The following ZCCHC7 variants were observed in gnomAD, a reference collection of about 807,000 sequenced individuals.
The protein encoded by ZCCHC7 is zinc finger CCHC domain-containing protein 7.
ZCCHC7 carries 35 observed loss-of-function variants against 52.0 expected under a neutral mutation model. The observed-to-expected ratio is 0.67, with a 90% confidence interval of 0.51 to 0.89. The LOEUF (loss-of-function observed/expected upper bound fraction) is 0.89. Among genes scored for constraint, ZCCHC7 ranks in the 40% least tolerant of loss-of-function variants. ZCCHC7 has a pLI of 0.00. For missense variants in ZCCHC7, 574 were observed against 649.1 expected (o/e 0.88, Z 1.26); for synonymous variants, 217 against 221.5 (o/e 0.98, Z 0.18).
At chr9:37,247,833 C>A (rs1826144552) in intron 2 of ZCCHC7, among the ~76,000 whole-genome samples, 1 of 152,016 alleles carries the variant, frequency 6.6e-6, no homozygotes. Flanking sequence ...CCCGGGAAGT[C>A]AAGGCTGCAG....
intron 2 of ZCCHC7, among the ~76,000 whole-genome samples, chr9:37,207,342 AT>A (rs564473298): frequency 2.6e-4 from 39 of 151,486 alleles, no homozygotes; most frequent in Non-Finnish European, 4.0e-4. Flanking sequence ...GTCAGTAGTC[AT>A]TTTTTTTCTA....
intron 2 of ZCCHC7, among the ~76,000 whole-genome samples, chr9:37,140,692 C>T (rs1843182434): frequency 6.6e-6 from 1 of 151,942 alleles, no homozygotes; most frequent in African/African-American, 2.4e-5. Context: ...CACAGGTCAT[C>T]TAATTTTCAA....
intron 6 of ZCCHC7, among the ~76,000 whole-genome samples, chr9:37,340,683 A>G (rs900731577): frequency 1.8e-4 from 27 of 152,198 alleles, no homozygotes; most frequent in Non-Finnish European, 2.9e-4. Flanking sequence ...TCACAAATTT[A>G]TATTTCTAAC....
chr9:37,313,185 T>A (rs1231004186), intron 5 of ZCCHC7, among the ~76,000 whole-genome samples: 2 of 152,242 alleles, frequency 1.3e-5, no homozygotes, highest in East Asian at 3.8e-4. Context: ...TAATGTTATT[T>A]ATAGGTAATA....
chr9:37,201,921 C>G (rs955896248), intron 2 of ZCCHC7, among the ~76,000 whole-genome samples: 1 of 152,168 alleles, frequency 6.6e-6, no homozygotes, highest in African/African-American at 2.4e-5. Context: ...TCTCAACTTA[C>G]GCATCCTAAA....
chr9:37,280,126 G>A (rs1827883002), intron 2 of ZCCHC7, among the ~76,000 whole-genome samples: 1 of 151,818 alleles, frequency 6.6e-6, no homozygotes, highest in Non-Finnish European at 1.5e-5. Flanking sequence ...GGGCAACAGT[G>A]CGAGACTCCG....
chr9:37,337,295 C>A (rs1830716316), intron 6 of ZCCHC7, among the ~76,000 whole-genome samples: 1 of 151,740 alleles, frequency 6.6e-6, no homozygotes, highest in African/African-American at 2.4e-5. Flanking sequence ...TTTTTAAATG[C>A]ACTGTGTATT....
At chr9:37,331,469 A>G (rs550592605) in intron 6 of ZCCHC7, among the ~76,000 whole-genome samples, 2 of 151,736 alleles carry the variant, frequency 1.3e-5, no homozygotes, top group African/African-American at 4.8e-5. Context: ...TCTATGCCAT[A>G]CTACAGAGTG....
At chr9:37,298,208 A>G (rs943475577) in intron 2 of ZCCHC7, among the ~76,000 whole-genome samples, 3 of 152,208 alleles carry the variant, frequency 2.0e-5, no homozygotes, top group African/African-American at 4.8e-5. Context: ...AATTGTCTGT[A>G]TGTGTAATAA....
At chr9:37,305,782 C>A in intron 5 of ZCCHC7, 68 bp downstream of exon 5, 1 of 1,548,354 alleles carries the variant, frequency 6.5e-7, no homozygotes. Context: ...AATTAATGTG[C>A]AAGTTTATAA....
At chr9:37,356,775 G>T in intron 8 of ZCCHC7, 60 bp from the exon 9 acceptor site, 3 of 1,458,886 alleles carry the variant, frequency 2.1e-6, no homozygotes, top group Non-Finnish European at 2.8e-6. Context: ...TTACACTTAG[G>T]AAAGCTCAGC....
intron 3 of ZCCHC7, among the ~76,000 whole-genome samples, chr9:37,303,545 T>C (rs143764168): frequency 0.011 from 1,614 of 147,894 alleles, 67 homozygotes; most frequent in Admixed American, 0.073. Context: ...TAGAGAAAGA[T>C]TAAAAAAAAA....
At chr9:37,348,393 T>TCTTTCTTTCTTTCTTTCTTTCTTTC (rs1564271303) in intron 6 of ZCCHC7, among the ~76,000 whole-genome samples, 9 of 147,640 alleles carry the variant, frequency 6.1e-5, no homozygotes, top group African/African-American at 2.0e-4. Context: ...TTTCTTTCTT[T>TCTTTCTTTCTTTCTTTCTTTCTTTC]TTTGACATGG....
At chr9:37,229,356 T>C (rs1010189571) in intron 2 of ZCCHC7, among the ~76,000 whole-genome samples, 3 of 152,168 alleles carry the variant, frequency 2.0e-5, no homozygotes, top group African/African-American at 4.8e-5. Flanking sequence ...CAGGGATACA[T>C]TCCAAGAAAT....
At chr9:37,333,770 A>G (rs1245979103) in intron 6 of ZCCHC7, 1 of 151,848 alleles carries the variant, frequency 6.6e-6, no homozygotes, top group Non-Finnish European at 1.5e-5. Context: ...TTGTTTTAAC[A>G]TATATAACAC....
At chr9:37,170,011 C>G (rs1346085404) in intron 2 of ZCCHC7, among the ~76,000 whole-genome samples, 1 of 151,550 alleles carries the variant, frequency 6.6e-6, no homozygotes, top group Non-Finnish European at 1.5e-5. Context: ...CTGTAATGAG[C>G]TATGATTGTG....
rs781436278 is a variant in ZCCHC7, at chr9:37,304,138, T to C, written c.655-50T>C. ...TTTAACAAGAGTAGTAGATGGCTTT[T>C]ATTTAGCAGTGAAACAATTTTTTTA... On this transcript the variant is annotated intron_variant, in intron 3 of 8. Transcript: ENST00000336755. 6 of 1,572,596 alleles carry C rather than the reference T, an allele frequency of 3.8e-6. No individual in the cohort carries two copies. The East Asian group carries it at 1.1e-4, about 29-fold the overall frequency.
chr9:37,222,328 A>AGTGTGT (rs74182938), intron 2 of ZCCHC7, among the ~76,000 whole-genome samples: 1,923 of 133,026 alleles, frequency 0.014, 16 homozygotes, highest in East Asian at 0.047. Context: ...AGAATAACAG[A>AGTGTGT]GTGTGTGTGT....
At chr9:37,281,456 T>G (rs1827955094) in intron 2 of ZCCHC7, among the ~76,000 whole-genome samples, 1 of 152,262 alleles carries the variant, frequency 6.6e-6, no homozygotes, top group African/African-American at 2.4e-5. Flanking sequence ...TTATAAACTC[T>G]TTATGTGCAA....
Sources: gnomAD v4.1 joint callset for allele counts (sites outside exome capture counted in the v4.1 genomes callset) on GRCh38, gnomAD v4.1.1 for gene constraint, MANE v1.5 for transcripts, NCBI Gene and HGNC (gene_info 2026-07-23, HGNC 2026-07-21) for gene names.